The following PCDHGA9 variants were observed in gnomAD, a reference collection of about 807,000 sequenced individuals.
The protein encoded by PCDHGA9 is protocadherin gamma subfamily A, 9, also known as protocadherin gamma-A9.
In PCDHGA9, 37 loss-of-function variants were observed where a neutral mutation model predicts 62.5. That is an observed-to-expected ratio of 0.59 (90% CI 0.46 to 0.78). The LOEUF is 0.78. PCDHGA9 is among the 30% of genes least tolerant of loss of function. PCDHGA9 has a pLI of 0.00. For synonymous variants in PCDHGA9, 459 were observed against 484.6 expected, an observed-to-expected ratio of 0.95 and a Z score of 0.69; for missense variants, 1,138 against 1,166.2, an observed-to-expected ratio of 0.98 and a Z score of 0.35.
At chr5:141,497,745 G>C (rs1475395529) in intron 2 of PCDHGA9, among the ~76,000 whole-genome samples, 1 of 152,070 alleles carries the variant, frequency 6.6e-6, no homozygotes, top group Non-Finnish European at 1.5e-5. Flanking sequence ...CGCCACGTTG[G>C]CCAGGCTGGT....
At position 141,477,744 on chromosome 5, in the gene PCDHGA9, G is replaced by A; in HGVS notation, c.2425-17063G>A. On this transcript the variant is annotated intron_variant, in intron 1 of 3. Coordinates refer to ENST00000573521, the MANE Select transcript of PCDHGA9 (RefSeq NM_018921.3). The surrounding 1 kb of genome is among the most constrained non-coding windows in gnomAD (Gnocchi z 4.9). Reference sequence around the variant, plus strand: ...TTAACAGCTCATATCAGCGATGGGGGCACCCCGGTCCTAGCCACCAACATC... The same window carrying A: ...TTAACAGCTCATATCAGCGATGGGGACACCCCGGTCCTAGCCACCAACATC... 6.2e-7 allele frequency: 1 copy of A among 1,613,778 alleles called. No homozygotes were observed. The highest frequency in any genetic ancestry group is 8.5e-7 in the Non-Finnish European group (1 of 1,180,028).
At chr5:141,475,957 G>A (rs776101269) in intron 1 of PCDHGA9, 148 of 812,416 alleles carry the variant, frequency 1.8e-4, no homozygotes, top group Non-Finnish European at 2.6e-4. Flanking sequence ...CTGCGCCCCG[G>A]GATGAGGCAG....
chr5:141,499,261 GT>G (rs2099790689), intron 2 of PCDHGA9, among the ~76,000 whole-genome samples: 1 of 152,022 alleles, frequency 6.6e-6, no homozygotes, highest in South Asian at 2.1e-4. Context: ...TCTCCATTTG[GT>G]CCCTAGACTG....
At position 141,486,714 on chromosome 5, in the gene PCDHGA9, CAG is replaced by C; in HGVS notation, c.2425-8092_2425-8091del. ...TCTTTCATCTCTCTGAACCCCCAGA[CAG>C]GAGCTGTTCATGCTACTCGATCCTT... On this transcript the variant is annotated intron_variant, in intron 1 of 3. Coordinates refer to ENST00000573521, the MANE Select transcript of PCDHGA9 (RefSeq NM_018921.3). This position sits in a 1 kb window ranked among gnomAD's most constrained non-coding sequence, Gnocchi z 5.0. 1 of 1,614,216 alleles carries C rather than the reference CAG, an allele frequency of 6.2e-7. No homozygotes were observed. Among genetic ancestry groups the C allele is most frequent in the Non-Finnish European group, 8.5e-7 (1 of 1,180,034 alleles).
Position 141,491,208 on chromosome 5 carries a change from C to A in PCDHGA9, c.2425-3599C>A. ...TGAGGGACAATGGTGACCCTTCACT[C>A]TCCTCCACAGCCACAGTGCTGCTGG... On this transcript the variant is annotated intron_variant, in intron 1 of 3. Coordinates refer to ENST00000573521, the MANE Select transcript of PCDHGA9 (RefSeq NM_018921.3). The surrounding 1 kb of genome is among the most constrained non-coding windows in gnomAD (Gnocchi z 6.9). The A allele has an allele frequency of 6.2e-7, 1 of 1,614,204 alleles. No homozygotes were observed. Among genetic ancestry groups the A allele is most frequent in the African/African-American group, 1.3e-5 (1 of 75,058 alleles).
chr5:141,403,052 T>G lies in PCDHGA9; in HGVS notation c.100T>G (p.Ser34Ala), dbSNP rs1336291522. The G allele has an allele frequency of 2.5e-6, 4 of 1,614,066 alleles. No individual in the cohort carries two copies. Among genetic ancestry groups the G allele is most frequent in the Admixed American group, 1.7e-5 (1 of 60,034 alleles). Residue 34 changes from serine to alanine, a missense_variant, in exon 1 of 4, where the codon TCA (serine) becomes GCA (alanine). Transcript: ENST00000573521. ...WEARASQIRY[S>A]VPEETEKGYI... is the part of the protein sequence containing the mutation. ...GGCCAGGGCCAGTCAGATTCGCTACTCAGTGCCTGAAGAGACAGAAAAGGG... is the reference window on the plus strand; with the variant it reads ...GGCCAGGGCCAGTCAGATTCGCTACGCAGTGCCTGAAGAGACAGAAAAGGG...
chr5:141,427,881 C>A, intron 1 of PCDHGA9: 1 of 1,563,720 alleles, frequency 6.4e-7, no homozygotes, highest in African/African-American at 1.3e-5. Context: ...GATGCAGGCC[C>A]ACGACCAGGG....
chr5:141,508,979 G>A (rs1317798009), intron 3 of PCDHGA9, among the ~76,000 whole-genome samples: 1 of 152,110 alleles, frequency 6.6e-6, no homozygotes, highest in Non-Finnish European at 1.5e-5. Context: ...GCTGGGGGTG[G>A]GGGCCAGCTG....
chr5:141,419,943 C>G (rs2096450865), intron 1 of PCDHGA9: 4 of 1,614,070 alleles, frequency 2.5e-6, no homozygotes, highest in Non-Finnish European at 3.4e-6. Flanking sequence ...CTGGTGGTGG[C>G]CTTGGCCTTG....
Position 141,490,330 on chromosome 5 carries a change from C to G in PCDHGA9, c.2425-4477C>G. 4 of 1,614,198 alleles carry G rather than the reference C, an allele frequency of 2.5e-6. No homozygotes were observed. Among genetic ancestry groups the G allele is most frequent in the South Asian group, 1.1e-5 (1 of 91,082 alleles). On this transcript the variant is annotated intron_variant, in intron 1 of 3. Coordinates refer to ENST00000573521, the MANE Select transcript of PCDHGA9 (RefSeq NM_018921.3). This position sits in a 1 kb window ranked among gnomAD's most constrained non-coding sequence, Gnocchi z 5.4. ...GGCCAACCCTGTCCTAGAGAGCACACCAGTGGGCACAGTAGTGGGGTTGTT... is the reference window on the plus strand; with the variant it reads ...GGCCAACCCTGTCCTAGAGAGCACAGCAGTGGGCACAGTAGTGGGGTTGTT...
chr5:141,408,311 A>C (rs1467917610), intron 1 of PCDHGA9: 1 of 1,613,650 alleles, frequency 6.2e-7, no homozygotes, highest in African/African-American at 1.3e-5. Context: ...CCGCTACTCG[A>C]TTCCGGAGGA....
rs751024373 is a variant in PCDHGA9, at chr5:141,491,801, G to T, written c.2425-3006G>T. 1 of 1,500,844 alleles carries T rather than the reference G, an allele frequency of 6.7e-7. No homozygotes were observed. Among genetic ancestry groups the T allele is most frequent in the Non-Finnish European group, 8.9e-7 (1 of 1,125,292 alleles). 93.0% of individuals were successfully genotyped at this position (1,500,844 alleles called of 1,614,324 possible). ...AACTTGCATCCACTCCTCTCCGGCCGGCTTGGTCGCTGGCTGCGCTCCACC... is the reference window on the plus strand; with the variant it reads ...AACTTGCATCCACTCCTCTCCGGCCTGCTTGGTCGCTGGCTGCGCTCCACC... On this transcript the variant is annotated intron_variant, in intron 1 of 3. Transcript: ENST00000573521. This position sits in a 1 kb window ranked among gnomAD's most constrained non-coding sequence, Gnocchi z 6.9.
In PCDHGA9 at chr5:141,490,499, A is replaced by G. The variant is rs1269710790; in HGVS notation, c.2425-4308A>G. On this transcript the variant is annotated intron_variant, in intron 1 of 3. Coordinates refer to ENST00000573521, the MANE Select transcript of PCDHGA9 (RefSeq NM_018921.3). The surrounding 1 kb of genome is among the most constrained non-coding windows in gnomAD (Gnocchi z 5.4). ...TTGGACCGGGAGGCCACATCCCACT[A>G]TATCATCGAGCTGCTGGCCAGCGAT... 1.2e-6 allele frequency: 2 copies of G among 1,614,148 alleles called. No homozygotes were observed. Among genetic ancestry groups the G allele is most frequent in the Non-Finnish European group, 8.5e-7 (1 of 1,180,020 alleles).
rs2099883887 is a variant in PCDHGA9, at chr5:141,511,641, ACC to A, written c.*469_*470del. 4.4e-6 allele frequency: 1 copy of A among 224,930 alleles called. No homozygotes were observed. Among genetic ancestry groups the A allele is most frequent in the Non-Finnish European group, 9.1e-6 (1 of 110,428 alleles). 13.9% of individuals were successfully genotyped at this position (224,930 alleles called of 1,614,324 possible). A position where few individuals can be genotyped will look rare whatever the true frequency, so the allele number is the denominator to read the frequency against. ...TCTGAAAAGTTGGAAGGGCATCATG[ACC>A]TCTTGGCCTCTCCTTTGATTCTCAA... On this transcript the variant is annotated 3_prime_UTR_variant, in exon 4 of 4. Coordinates refer to ENST00000573521, the MANE Select transcript of PCDHGA9 (RefSeq NM_018921.3).
At chr5:141,468,853 G>C (rs893773356) in intron 1 of PCDHGA9, among the ~76,000 whole-genome samples, 5 of 150,898 alleles carry the variant, frequency 3.3e-5, no homozygotes, top group Non-Finnish European at 7.4e-5. Flanking sequence ...GCAACAGAGC[G>C]AGACTCCATC....
In PCDHGA9 at chr5:141,403,329, T is replaced by C. The variant is rs1325114096; in HGVS notation, c.377T>C (p.Ile126Thr). Reference protein sequence around the residue: ...LYGIEIEVTDINDSAPKFQAE... With the variant: ...LYGIEIEVTDTNDSAPKFQAE... Reference sequence around the variant, plus strand: ...GGAATAGAAATAGAAGTAACTGATATTAACGACAGCGCCCCAAAGTTCCAG... The same window carrying C: ...GGAATAGAAATAGAAGTAACTGATACTAACGACAGCGCCCCAAAGTTCCAG... Residue 126 changes from isoleucine to threonine, a missense_variant, in exon 1 of 4, where the codon ATT becomes ACT. Coordinates refer to ENST00000573521, the MANE Select transcript of PCDHGA9 (RefSeq NM_018921.3). The C allele has an allele frequency of 1.2e-6, 2 of 1,613,990 alleles. No individual in the cohort carries two copies. The highest frequency in any genetic ancestry group is 1.7e-5 in the Admixed American group (1 of 60,032).
chr5:141,408,256 T>C, intron 1 of PCDHGA9: 1 of 1,602,226 alleles, frequency 6.2e-7, no homozygotes, highest in East Asian at 2.3e-5. Flanking sequence ...AGGTGCTATT[T>C]CCTTTGCTGC....
intron 1 of PCDHGA9, among the ~76,000 whole-genome samples, chr5:141,450,363 T>C (rs2098678373): frequency 6.6e-6 from 1 of 152,162 alleles, no homozygotes; most frequent in Admixed American, 6.5e-5. Flanking sequence ...TTCCTCAGCC[T>C]TGTTTGTTTA....
At chr5:141,420,907 C>G (rs916293573) in intron 1 of PCDHGA9, 3 of 301,914 alleles carry the variant, frequency 9.9e-6, no homozygotes, top group Admixed American at 4.6e-5. Context: ...TCTACAAATA[C>G]GTGTGATTCA....
Sources: gnomAD v4.1 joint callset for allele counts (sites outside exome capture counted in the v4.1 genomes callset) on GRCh38, gnomAD v4.1.1 for gene constraint, Gnocchi (gnomAD v3.1) non-coding constraint, MANE v1.5 for transcripts, NCBI Gene and HGNC (gene_info 2026-07-23, HGNC 2026-07-21) for gene names.